Variants in ARHGEF1 observed in about 807,000 individuals in gnomAD.
ARHGEF1 encodes the protein Rho guanine nucleotide exchange factor 1.
ARHGEF1 carries 40 observed loss-of-function variants against 119.7 expected under a neutral mutation model. The ratio of observed to expected loss-of-function variants is 0.33; its 90% CI spans 0.26 to 0.44. The LOEUF (loss-of-function observed/expected upper bound fraction) is 0.44. Among genes scored for constraint, ARHGEF1 ranks in the 20% least tolerant of loss-of-function variants. The pLI, the probability that ARHGEF1 is intolerant of heterozygous loss-of-function variation, is 1.00. For synonymous variants in ARHGEF1, 494 were observed against 521.0 expected, an observed-to-expected ratio of 0.95 and a Z score of 0.71; for missense variants, 976 against 1,268.3, an observed-to-expected ratio of 0.77 and a Z score of 3.50.
rs1555850412 is a variant in ARHGEF1 at position 41,906,988 on chromosome 19, C to T, written c.*18-117C>T. On this transcript the variant is annotated intron_variant, in intron 28 of 28. Coordinates refer to ENST00000354532, the MANE Select transcript of ARHGEF1 (RefSeq NM_004706.4). The surrounding 1 kb of genome is among the most constrained non-coding windows in gnomAD (Gnocchi z 4.5). ...ATCTGTTTCTCTGTCTCTGTGCCCG[C>T]CTGCCTCTCCCCACCTCCCCTTCTC... The T allele has an allele frequency of 3.7e-6, 4 of 1,071,018 alleles. No homozygotes were observed. Among genetic ancestry groups the T allele is most frequent in the Non-Finnish European group, 5.2e-6 (4 of 768,970 alleles). The allele number at this position is 1,071,018 out of a possible 1,614,324, so 66.3% of individuals were successfully genotyped here.
chr19:41,892,121 G>A lies in ARHGEF1; in HGVS notation c.322G>A (p.Ala108Thr), dbSNP rs1555846309. 6.2e-7 allele frequency: 1 copy of A among 1,612,350 alleles called. No homozygotes were observed. The highest frequency in any genetic ancestry group is 8.5e-7 in the Non-Finnish European group (1 of 1,178,842). Residue 108 changes from alanine to threonine, a missense_variant and splice_region_variant, in exon 5 of 29, where the codon GCG (alanine) becomes ACG (threonine). By Grantham distance (58) the Ala-to-Thr change is moderately conservative. This residue lies in a region of ARHGEF1 where 519 missense variants were observed against 580.9 expected (regional missense o/e 0.89). Coordinates refer to ENST00000354532, the MANE Select transcript of ARHGEF1 (RefSeq NM_004706.4). This position sits in a 1 kb window ranked among gnomAD's most constrained non-coding sequence, Gnocchi z 6.3. ...DFYHSFLEKT[A>T]VLRVPVPPNV... is the part of the protein sequence containing the mutation. Reference sequence around the variant, plus strand: ...CTACCACAGCTTCCTGGAGAAGACAGCGGTGAGAGACCTTCAAGCTGCCCC... The same window carrying A: ...CTACCACAGCTTCCTGGAGAAGACAACGGTGAGAGACCTTCAAGCTGCCCC...
At chr19:41,923,038 C>A (rs909709988), upstream of ARHGEF1, 3 of 408,334 alleles carry the variant, frequency 7.3e-6, no homozygotes, top group Non-Finnish European at 1.5e-5. Flanking sequence ...GCTGGGGGAA[C>A]CCACAGAGGG....
chr19:41,920,891 A>G (rs1340137755), upstream of ARHGEF1, among the ~76,000 whole-genome samples: 2 of 151,740 alleles, frequency 1.3e-5, no homozygotes, highest in African/African-American at 4.8e-5. Flanking sequence ...AGGGGTGGAG[A>G]CCCACACCCC....
intron 1 of ARHGEF1, among the ~76,000 whole-genome samples, chr19:41,926,763 C>G (rs1326237664): frequency 6.6e-6 from 1 of 152,176 alleles, no homozygotes; most frequent in East Asian, 1.9e-4. Flanking sequence ...ATCCGCGCGC[C>G]GCTTGTCTCT....
chr19:41,896,257 C>T, intron 12 of ARHGEF1, 120 bp from the exon 13 acceptor site: 1 of 488,098 alleles, frequency 2.0e-6, no homozygotes. Flanking sequence ...AAGTACAGAG[C>T]AGCCATGTGG....
chr19:41,897,245 T>C, intron 13 of ARHGEF1: 2 of 1,276,996 alleles, frequency 1.6e-6, no homozygotes, highest in African/African-American at 1.5e-5. Context: ...GGGGACCCTT[T>C]GGTGGGTGCG....
chr19:41,895,368 A>G lies in ARHGEF1; in HGVS notation c.897A>G (p.Thr299=), dbSNP rs782566769. The change falls in exon 12 of 29, where the codon ACA becomes ACG. Residue 299 remains threonine (T), a synonymous_variant. Coordinates refer to ENST00000354532, the MANE Select transcript of ARHGEF1 (RefSeq NM_004706.4). The part of the protein sequence containing the change: ...AEVDAEKPGA[T]DRKGGVGMPS... ...CCCCAGCCGAGAAGCCAGGTGCTAC[A>G]GACCGGAAGGGAGGCGTGGGGATGC... 6.2e-7 allele frequency: 1 copy of G among 1,611,172 alleles called. No individual in the cohort carries two copies. The highest frequency in any genetic ancestry group is 1.7e-5 in the Admixed American group (1 of 59,900).
chr19:41,901,999 C>T lies in ARHGEF1; in HGVS notation c.1380C>T (p.Ile460=), dbSNP rs782068770. 1 of 1,614,078 alleles carries T rather than the reference C, an allele frequency of 6.2e-7. No homozygotes were observed. Among genetic ancestry groups the T allele is most frequent in the South Asian group, 1.1e-5 (1 of 91,072 alleles). ...TCCCCTTGGAGGAGCTGCAGAACAT[C>T]TTCCCCAGCCTGGACGAGCTCATCG... ...LFFPLEELQN[I]FPSLDELIEV... The change falls in exon 15 of 29, where the codon ATC becomes ATT. Residue 460 remains isoleucine, a synonymous_variant. Coordinates refer to ENST00000354532, the MANE Select transcript of ARHGEF1 (RefSeq NM_004706.4).
chr19:41,914,562 CATCT>C (rs2074776223), intron 18 of ARHGEF1, among the ~76,000 whole-genome samples: 1 of 76,800 alleles, frequency 1.3e-5, no homozygotes, highest in Non-Finnish European at 2.8e-5. Flanking sequence ...CCCCTTCCAC[CATCT>C]CTGTCTCCGT....
chr19:41,896,326 T>G, intron 12 of ARHGEF1, 51 bp from the exon 13 acceptor site: 1 of 1,018,684 alleles, frequency 9.8e-7, no homozygotes. Context: ...AGAGTGTGGG[T>G]CTCGTGGCCG....
rs781934892 is a variant in ARHGEF1, at chr19:41,894,520, G to A, written c.814G>A (p.Ala272Thr). Residue 272 changes from alanine to threonine, a missense_variant, in exon 10 of 29, where the codon GCC becomes ACC. Ala to Thr is a moderately conservative substitution (Grantham distance 58). This residue lies in a region of ARHGEF1 where 519 missense variants were observed against 580.9 expected (regional missense o/e 0.89). Transcript: ENST00000354532. The part of the protein sequence containing the change: ...KKGLSSILDA[A>T]RWNRGEPQVP... Reference sequence around the variant, plus strand: ...GGGGCTGAGCAGCATCCTGGATGCCGCCCGCTGGAACCGGGGAGAGCCCCA... The same window carrying A: ...GGGGCTGAGCAGCATCCTGGATGCCACCCGCTGGAACCGGGGAGAGCCCCA... The A allele has an allele frequency of 2.1e-5, 34 of 1,609,304 alleles. No individual in the cohort carries two copies. Among genetic ancestry groups the A allele is most frequent in the Non-Finnish European group, 2.5e-5 (30 of 1,177,164 alleles).
At chr19:41,923,128 G>A (rs1163538153) in exon 1 of ARHGEF1, 2 of 456,326 alleles carry the variant, frequency 4.4e-6, no homozygotes, top group Non-Finnish European at 4.4e-6. Context: ...GGTAGGAACT[G>A]CCATGATGGA....
intron 18 of ARHGEF1, among the ~76,000 whole-genome samples, chr19:41,915,407 T>TGTCCGTCC (rs1472318876): frequency 2.0e-5 from 3 of 151,752 alleles, no homozygotes; most frequent in Non-Finnish European, 2.9e-5. Flanking sequence ...CCCGTCCGTC[T>TGTCCGTCC]GTCCGTCCCT....
At chr19:41,929,756 G>A (rs2074894234) in exon 3 of ARHGEF1, 1 of 152,494 alleles carries the variant, frequency 6.6e-6, no homozygotes, top group Admixed American at 6.5e-5. Context: ...GGGAAAATAG[G>A]TCTCACGGCA....
downstream of ARHGEF1, chr19:41,910,238 A>T: frequency 2.4e-6 from 2 of 819,088 alleles, no homozygotes; most frequent in Non-Finnish European, 3.8e-6. The surrounding 1 kb of genome is among the most constrained non-coding windows in gnomAD (Gnocchi z 4.4). Flanking sequence ...CCACACTCCA[A>T]ACCTCCTCCC....
chr19:41,901,987 G>A lies in ARHGEF1; in HGVS notation c.1368G>A (p.Glu456=), dbSNP rs781791981. 15 of 1,614,050 alleles carry A rather than the reference G, an allele frequency of 9.3e-6. No individual in the cohort carries two copies. In the Admixed American group the frequency reaches 2.2e-4, roughly 23 times the overall value. Residue 456 remains glutamate (E), a synonymous_variant, in exon 15 of 29, where the codon GAG becomes GAA. Transcript: ENST00000354532. ...MAECLFFPLE[E]LQNIFPSLDE... is the part of the protein sequence containing the mutation. ...AATGCCTGTTCTTCCCCTTGGAGGA[G>A]CTGCAGAACATCTTCCCCAGCCTGG...
chr19:41,903,152 T>G lies in ARHGEF1; in HGVS notation c.1739-155T>G, dbSNP rs1430452816. Among the ~76,000 whole-genome samples the G allele has an allele frequency of 3.3e-5, 5 of 151,706 alleles. No individual in the cohort carries two copies. In the South Asian group the frequency reaches 6.2e-4, roughly 19 times the overall value. Reference sequence around the variant, plus strand: ...GCCCAGGCTGGCTTTGAACTCCTGGTCTCAAGCTATCCTCCCGCCTCAGCC... The same window carrying G: ...GCCCAGGCTGGCTTTGAACTCCTGGGCTCAAGCTATCCTCCCGCCTCAGCC... On this transcript the variant is annotated intron_variant, in intron 18 of 28. Transcript: ENST00000354532. This position sits in a 1 kb window ranked among gnomAD's most constrained non-coding sequence, Gnocchi z 4.2.
chr19:41,908,077 C>T (rs963267725), downstream of ARHGEF1: 20 of 519,734 alleles, frequency 3.8e-5, no homozygotes, highest in African/African-American at 1.6e-4. The surrounding 1 kb of genome is among the most constrained non-coding windows in gnomAD (Gnocchi z 6.7). Context: ...AGACCCCCCC[C>T]ACTCTGGGGC....
Position 41,906,816 on chromosome 19 carries a change from C to G in ARHGEF1, c.*17+13C>G. Reference sequence around the variant, plus strand: ...CCCGCCCAGGAAGGTGAGTGGGGCACCTGGGGGCCAGGGCGCTGTCCTGAA... The same window carrying G: ...CCCGCCCAGGAAGGTGAGTGGGGCAGCTGGGGGCCAGGGCGCTGTCCTGAA... On this transcript the variant is annotated intron_variant, in intron 28 of 28. Transcript: ENST00000354532. This position sits in a 1 kb window ranked among gnomAD's most constrained non-coding sequence, Gnocchi z 4.5. 1 of 1,594,520 alleles carries G rather than the reference C, an allele frequency of 6.3e-7. No homozygotes were observed. The highest frequency in any genetic ancestry group is 8.6e-7 in the Non-Finnish European group (1 of 1,169,332).
Sources: allele counts gnomAD v4.1 joint callset (sites outside exome capture counted in the v4.1 genomes callset), GRCh38; gene constraint gnomAD v4.1.1; regional missense constraint gnomAD v4.1.1; non-coding constraint Gnocchi (gnomAD v3.1); transcripts MANE v1.5; gene names NCBI Gene and HGNC (gene_info 2026-07-23, HGNC 2026-07-21).